MTURN: variants seen among roughly 807,000 people sequenced by gnomAD.
MTURN encodes the protein maturin, neural progenitor differentiation regulator homolog.
MTURN carries 7 observed loss-of-function variants against 14.9 expected under a neutral mutation model. The observed-to-expected ratio is 0.47, with a 90% confidence interval of 0.27 to 0.88. MTURN has a LOEUF of 0.88. Ranked by LOEUF, MTURN falls within the 40% of genes least tolerant of loss-of-function variation. MTURN has a pLI of 0.14. For missense variants in MTURN, 151 were observed against 174.1 expected, an observed-to-expected ratio of 0.87 and a Z score of 0.75; for synonymous variants, 69 against 72.5, an observed-to-expected ratio of 0.95 and a Z score of 0.25.
Position 30,159,059 on chromosome 7 carries a change from C to T in MTURN, c.*1511C>T, listed in dbSNP as rs534219816. 1 of 152,246 alleles carries T rather than the reference C, an allele frequency of 6.6e-6. No homozygotes were observed. The highest frequency in any genetic ancestry group is 2.4e-5 in the African/African-American group (1 of 41,546). The allele number at this position is 152,246 out of a possible 1,614,324, so 9.4% of individuals were successfully genotyped here. On this transcript the variant is annotated 3_prime_UTR_variant, in exon 3 of 3. Transcript: ENST00000324453. ...TGGTGCTGTGAGGAGTTCGGCTGCT[C>T]GTGGTAAAACAGCGTACTCCAGTTT... is the stretch of plus-strand genomic sequence containing the variant.
In MTURN at chr7:30,159,008, G is replaced by T. The variant is rs1023374095; in HGVS notation, c.*1460G>T. On this transcript the variant is annotated 3_prime_UTR_variant, in exon 3 of 3. Transcript: ENST00000324453. The stretch of plus-strand genomic sequence containing the variant: ...CAGGCATGTCGGTGTAAACCTGATT[G>T]TCTCGACATTTTCTGTTTAATTGAT... The T allele has an allele frequency of 6.6e-6, 1 of 152,176 alleles. No homozygotes were observed. The highest frequency in any genetic ancestry group is 6.5e-5 in the Admixed American group (1 of 15,284). The allele number at this position is 152,176 out of a possible 1,614,324, so 9.4% of individuals were successfully genotyped here.
intron 2 of MTURN, among the ~76,000 whole-genome samples, chr7:30,156,312 A>C (rs775103451): frequency 4.0e-5 from 6 of 151,766 alleles, no homozygotes; most frequent in Non-Finnish European, 7.4e-5. Flanking sequence ...CTTAAAAAAA[A>C]CCTTAAAATT....
rs1030749750 is a variant in MTURN, at chr7:30,158,345, C to T, written c.*797C>T. On this transcript the variant is annotated 3_prime_UTR_variant, in exon 3 of 3. Coordinates refer to ENST00000324453, the MANE Select transcript of MTURN (RefSeq NM_152793.3). ...TATAAAATGAAACATTTTACCTTCT[C>T]TCTTTCTAATGAGATGGCCGCTTGT... 1 of 152,600 alleles carries T rather than the reference C, an allele frequency of 6.6e-6. No homozygotes were observed. The highest frequency in any genetic ancestry group is 1.9e-4 in the East Asian group (1 of 5,196). The allele number at this position is 152,600 out of a possible 1,614,324, so 9.5% of individuals were successfully genotyped here.
intron 2 of MTURN, among the ~76,000 whole-genome samples, chr7:30,155,954 G>A (rs1379756658): frequency 1.3e-5 from 2 of 152,200 alleles, no homozygotes; most frequent in East Asian, 3.8e-4. Context: ...GATGCAGTTA[G>A]TGTTTAGATC....
chr7:30,136,092 T>A (rs1796954870), intron 1 of MTURN, among the ~76,000 whole-genome samples: 1 of 150,744 alleles, frequency 6.6e-6, no homozygotes, highest in African/African-American at 2.4e-5. Context: ...CCGAGAGGTG[T>A]GTGTGGCCCG....
rs566321241 is a variant in MTURN, at chr7:30,148,288, G to C, written c.285+1989G>C. ...AGTAGAGAGAGCAGCAGGTATGAAG[G>C]CCTCGGGGTTGGACAACACCTGTGT... is the stretch of plus-strand genomic sequence containing the variant. On this transcript the variant is annotated intron_variant, in intron 2 of 2. Transcript: ENST00000324453. Among the ~76,000 whole-genome samples, 4 of 152,332 alleles carry C rather than the reference G, an allele frequency of 2.6e-5. No homozygotes were observed. In the South Asian group the frequency reaches 8.3e-4, roughly 32 times the overall value.
chr7:30,142,317 C>T (rs918849994), intron 1 of MTURN, among the ~76,000 whole-genome samples: 1 of 152,170 alleles, frequency 6.6e-6, no homozygotes, highest in African/African-American at 2.4e-5. Context: ...GTAGACCACT[C>T]AGGCCAGGTT....
chr7:30,147,942 G>A (rs1797152069), intron 2 of MTURN, among the ~76,000 whole-genome samples: 1 of 152,124 alleles, frequency 6.6e-6, no homozygotes, highest in African/African-American at 2.4e-5. Context: ...AATATGTTTT[G>A]GGTACCCACT....
intron 1 of MTURN, among the ~76,000 whole-genome samples, chr7:30,138,459 T>C (rs1797000317): frequency 6.6e-6 from 1 of 152,076 alleles, no homozygotes; most frequent in Non-Finnish European, 1.5e-5. Context: ...ATGATAATAT[T>C]AGTACCTCCT....
chr7:30,146,415 G>A (rs1329907243), intron 2 of MTURN, 116 bp downstream of exon 2: 62 of 1,436,698 alleles, frequency 4.3e-5, no homozygotes, highest in Non-Finnish European at 5.6e-5. Flanking sequence ...TTTTTCTCTT[G>A]TCTGTCCTGT....
At position 30,135,036 on chromosome 7, in the gene MTURN, G is replaced by A. The variant is rs1796919280; in HGVS notation, c.-101G>A. ...CAGCCGGCCCAGCCCGGCCCCGGAG[G>A]AGCCCGCGCAGGCCGAGCCGAGCGC... On this transcript the variant is annotated 5_prime_UTR_variant, in exon 1 of 3. Transcript: ENST00000324453. 1.9e-6 allele frequency: 2 copies of A among 1,038,904 alleles called. No individual in the cohort carries two copies. Among genetic ancestry groups the A allele is most frequent in the Non-Finnish European group, 2.4e-6 (2 of 846,034 alleles). The allele number at this position is 1,038,904 out of a possible 1,614,324, so 64.4% of individuals were successfully genotyped here.
chr7:30,146,421 C>G (rs1797130912), intron 2 of MTURN, 122 bp downstream of exon 2: 1 of 1,401,192 alleles, frequency 7.1e-7, no homozygotes, highest in Non-Finnish European at 9.7e-7. Flanking sequence ...TCTTGTCTGT[C>G]CTGTGGCTTA....
At chr7:30,148,937 A>G (rs1042840878) in intron 2 of MTURN, among the ~76,000 whole-genome samples, 3 of 152,148 alleles carry the variant, frequency 2.0e-5, no homozygotes, top group African/African-American at 4.8e-5. Flanking sequence ...TTAGCAACTG[A>G]GGTTCGCTTT....
chr7:30,150,026 G>A (rs904369674), intron 2 of MTURN, among the ~76,000 whole-genome samples: 7 of 152,180 alleles, frequency 4.6e-5, no homozygotes, highest in East Asian at 1.9e-4. Flanking sequence ...CAGGCTACCC[G>A]GATTTAAGTC....
Position 30,158,709 on chromosome 7 carries a change from T to C in MTURN, c.*1161T>C, listed in dbSNP as rs1008862150. On this transcript the variant is annotated 3_prime_UTR_variant, in exon 3 of 3. Coordinates refer to ENST00000324453, the MANE Select transcript of MTURN (RefSeq NM_152793.3). ...TCACAGAAACAACTTCTGTAATAAC[T>C]GGAAATACTGCTGTTATCGTTTAGC... 6.6e-6 allele frequency: 1 copy of C among 152,210 alleles called. No individual in the cohort carries two copies. The highest frequency in any genetic ancestry group is 2.4e-5 in the African/African-American group (1 of 41,440). The allele number at this position is 152,210 out of a possible 1,614,324, so 9.4% of individuals were successfully genotyped here. A position where few individuals can be genotyped will look rare whatever the true frequency, so the allele number is the denominator to read the frequency against.
At chr7:30,150,600 A>C (rs1277791252) in intron 2 of MTURN, among the ~76,000 whole-genome samples, 4 of 152,216 alleles carry the variant, frequency 2.6e-5, no homozygotes, top group South Asian at 2.1e-4. Flanking sequence ...ATATTTTTTA[A>C]TGAAACTGTG....
At chr7:30,138,445 C>T (rs919359071) in intron 1 of MTURN, among the ~76,000 whole-genome samples, 6 of 152,088 alleles carry the variant, frequency 3.9e-5, no homozygotes, top group Non-Finnish European at 7.4e-5. Context: ...TCTGTAAAAT[C>T]GGGATGATAA....
chr7:30,141,827 A>G (rs1797056852), intron 1 of MTURN, among the ~76,000 whole-genome samples: 1 of 152,142 alleles, frequency 6.6e-6, no homozygotes, highest in Non-Finnish European at 1.5e-5. Flanking sequence ...CTGGCCAGGG[A>G]TCCATTTTGG....
Position 30,157,517 on chromosome 7 carries a change from A to C in MTURN, c.365A>C (p.Asp122Ala). 6.2e-7 allele frequency: 1 copy of C among 1,604,608 alleles called. No individual in the cohort carries two copies. The highest frequency in any genetic ancestry group is 2.3e-5 in the East Asian group (1 of 43,798). Residue 122 changes from aspartate to alanine, a missense_variant, in exon 3 of 3, where the codon GAC (aspartate) becomes GCC (alanine). By Grantham distance (126) the Asp-to-Ala change is moderately radical. Coordinates refer to ENST00000324453, the MANE Select transcript of MTURN (RefSeq NM_152793.3). ...GTGGAAGAAGAGGAGCCAGAGGCGGACCACCCCCAGATGGGGGTCAGCCAG... is the reference window on the plus strand; with the variant it reads ...GTGGAAGAAGAGGAGCCAGAGGCGGCCCACCCCCAGATGGGGGTCAGCCAG... ...ADVEEEEPEA[D>A]HPQMGVSQQ is the part of the protein sequence containing the mutation.
Sources: allele counts gnomAD v4.1 joint callset (sites outside exome capture counted in the v4.1 genomes callset), GRCh38; gene constraint gnomAD v4.1.1; transcripts MANE v1.5; gene names NCBI Gene and HGNC (gene_info 2026-07-23, HGNC 2026-07-21).